The following RAPGEF5 variants were observed in gnomAD, a reference collection of about 807,000 sequenced individuals.
The protein encoded by RAPGEF5 is M-Ras-regulated GEF.
A neutral mutation model predicts 125.2 loss-of-function variants in RAPGEF5; 65 were observed. The observed-to-expected ratio is 0.52, with a 90% CI of 0.43 to 0.64. RAPGEF5 has a LOEUF of 0.64. Among genes scored for constraint, RAPGEF5 ranks in the 30% least tolerant of loss-of-function variants. The probability of loss-of-function intolerance (pLI) is 0.00; values close to 1 mark genes in which losing one functional copy is unlikely to be tolerated. For missense variants in RAPGEF5, 958 were observed against 1,048.1 expected (o/e 0.91, Z 1.19); for synonymous variants, 391 against 385.9 (o/e 1.01, Z -0.16).
chr7:22,299,858 GAATCATT>G (rs2128149918), intron 5 of RAPGEF5, among the ~76,000 whole-genome samples: 1 of 131,742 alleles, frequency 7.6e-6, no homozygotes, highest in Non-Finnish European at 1.6e-5. Context: ...CTAATTATTT[GAATCATT>G]ACTCCTCCTG....
intron 1 of RAPGEF5, among the ~76,000 whole-genome samples, chr7:22,333,616 G>T (rs1316491420): frequency 6.6e-6 from 1 of 152,154 alleles, no homozygotes; most frequent in Non-Finnish European, 1.5e-5. Context: ...CCTTCATAGG[G>T]GTAGGATGGT....
chr7:22,349,205 C>A (rs1784283869), intron 1 of RAPGEF5, among the ~76,000 whole-genome samples: 1 of 151,534 alleles, frequency 6.6e-6, no homozygotes, highest in African/African-American at 2.4e-5. Flanking sequence ...AGGCGGATCA[C>A]TTGAGGTCAG....
chr7:22,263,235 T>A (rs1394707962), intron 7 of RAPGEF5, among the ~76,000 whole-genome samples: 1 of 152,196 alleles, frequency 6.6e-6, no homozygotes, highest in East Asian at 1.9e-4. Flanking sequence ...ATGTTAATGT[T>A]CTGGTTGTGA....
At chr7:22,261,967 G>A (rs1782166448) in intron 7 of RAPGEF5, among the ~76,000 whole-genome samples, 1 of 152,032 alleles carries the variant, frequency 6.6e-6, no homozygotes, top group Non-Finnish European at 1.5e-5. Context: ...GGAAGAAAAG[G>A]CATAGAAAAT....
chr7:22,248,782 A>G (rs1271654096), intron 7 of RAPGEF5, among the ~76,000 whole-genome samples: 1 of 152,170 alleles, frequency 6.6e-6, no homozygotes, highest in Non-Finnish European at 1.5e-5. Flanking sequence ...TGAGCCTTTT[A>G]AACATGCTAA....
At position 22,168,984 on chromosome 7, in the gene RAPGEF5, A is replaced by T. The variant is rs77486112; in HGVS notation, c.1205-1836T>A. On this transcript the variant is annotated intron_variant, in intron 11 of 25. Coordinates refer to ENST00000665637, the MANE Select transcript of RAPGEF5 (RefSeq NM_012294.5). ...CAAATTTTCTTATTTGATTTAAAAC[A>T]TGTTTTTAAAAGTCTAAACTTACAT... is the stretch of plus-strand genomic sequence containing the variant. Among the ~76,000 whole-genome samples the T allele has an allele frequency of 6.5e-3, 984 of 152,336 alleles. 19 individuals are homozygous for T. The highest frequency in any genetic ancestry group is 0.023 in the African/African-American group (946 of 41,574).
intron 18 of RAPGEF5, among the ~76,000 whole-genome samples, chr7:22,148,688 C>T (rs1783522172): frequency 6.6e-6 from 1 of 152,156 alleles, no homozygotes; most frequent in South Asian, 2.1e-4. Context: ...TTTATTCCAT[C>T]AAGGCATTGC....
At chr7:22,244,538 T>C (rs1786427083) in intron 7 of RAPGEF5, among the ~76,000 whole-genome samples, 1 of 151,932 alleles carries the variant, frequency 6.6e-6, no homozygotes, top group Non-Finnish European at 1.5e-5. Context: ...TTTGTCACTG[T>C]CTCCCATCAC....
At chr7:22,241,262 G>C (rs1242147464) in intron 7 of RAPGEF5, among the ~76,000 whole-genome samples, 1 of 152,154 alleles carries the variant, frequency 6.6e-6, no homozygotes, top group Non-Finnish European at 1.5e-5. Context: ...TGAATTGTCA[G>C]TAATTTTACT....
At chr7:22,128,392 A>G (rs1256647210) in intron 24 of RAPGEF5, among the ~76,000 whole-genome samples, 1 of 152,188 alleles carries the variant, frequency 6.6e-6, no homozygotes, top group Non-Finnish European at 1.5e-5. Context: ...ACTGGCCTGC[A>G]TCAGTCAGAT....
intron 7 of RAPGEF5, among the ~76,000 whole-genome samples, chr7:22,263,688 C>T (rs1782213681): frequency 2.0e-5 from 3 of 151,432 alleles, no homozygotes; most frequent in South Asian, 4.2e-4. Context: ...CGAAATTGCG[C>T]CACTGCACTC....
intron 7 of RAPGEF5, among the ~76,000 whole-genome samples, chr7:22,240,167 G>A (rs1364922879): frequency 7.2e-5 from 10 of 138,890 alleles, no homozygotes; most frequent in Non-Finnish European, 3.0e-5. Context: ...CCAAAATCAC[G>A]CCACTGCACT....
At chr7:22,160,259 G>A (rs981799301) in intron 14 of RAPGEF5, among the ~76,000 whole-genome samples, 3 of 152,068 alleles carry the variant, frequency 2.0e-5, no homozygotes, top group Non-Finnish European at 2.9e-5. Context: ...TTGTTTTTAC[G>A]TACCTGGTTG....
intron 11 of RAPGEF5, chr7:22,191,353 C>T (rs145341092): frequency 8.1e-4 from 270 of 334,998 alleles, no homozygotes; most frequent in African/African-American, 5.6e-3. Context: ...CTTTTATATA[C>T]ACATTAATCA....
At chr7:22,220,036 C>T (rs1470636282) in intron 8 of RAPGEF5, 45 bp from the exon 9 acceptor site, 1 of 1,606,694 alleles carries the variant, frequency 6.2e-7, no homozygotes, top group Non-Finnish European at 8.5e-7. Flanking sequence ...AAACCACAGT[C>T]CCAGGACATG....
Position 22,269,443 on chromosome 7 carries a change from ACACT to A in RAPGEF5, c.748-2435_748-2432del, listed in dbSNP as rs560751762. 7.4e-3 allele frequency among the ~76,000 whole-genome samples: 1,121 copies of A among 152,280 alleles called. 12 individuals carry two copies. Among genetic ancestry groups the A allele is most frequent in the Non-Finnish European group, 0.013 (903 of 68,028 alleles). On this transcript the variant is annotated intron_variant, in intron 6 of 25. Coordinates refer to ENST00000665637, the MANE Select transcript of RAPGEF5 (RefSeq NM_012294.5). Reference sequence around the variant, plus strand: ...TTCTTCACATTATCCTGGGCAATTGACACTCACTCATTAGCCCACAAGAGGTGGT... The same window carrying A: ...TTCTTCACATTATCCTGGGCAATTGACACTCATTAGCCCACAAGAGGTGGT...
intron 7 of RAPGEF5, among the ~76,000 whole-genome samples, chr7:22,255,987 C>T (rs1272924585): frequency 6.6e-6 from 1 of 152,170 alleles, no homozygotes; most frequent in Non-Finnish European, 1.5e-5. Context: ...GGTGGCACCT[C>T]CTCTCTAAAT....
intron 23 of RAPGEF5, 150 bp downstream of exon 23, chr7:22,135,888 G>T: frequency 1.7e-6 from 1 of 601,064 alleles, no homozygotes; most frequent in Non-Finnish European, 2.8e-6. Flanking sequence ...TCGGCTATTT[G>T]AAAAACAATC....
intron 9 of RAPGEF5, among the ~76,000 whole-genome samples, chr7:22,209,664 G>A (rs1338992403): frequency 2.6e-5 from 4 of 152,118 alleles, no homozygotes; most frequent in Non-Finnish European, 5.9e-5. Context: ...CCACTTTCAT[G>A]AGTCACTAAT....
Sources: gnomAD v4.1 joint callset for allele counts (sites outside exome capture counted in the v4.1 genomes callset) on GRCh38, gnomAD v4.1.1 for gene constraint, MANE v1.5 for transcripts, NCBI Gene and HGNC (gene_info 2026-07-23, HGNC 2026-07-21) for gene names.